The following BCL2L13 variants were observed in gnomAD, a reference collection of about 807,000 sequenced individuals.
BCL2L13 encodes the protein BCL2 like 13, also known as bcl-2-like protein 13.
In BCL2L13, 13 loss-of-function variants were observed where a neutral mutation model predicts 25.8. That is an observed-to-expected ratio of 0.50 (90% CI 0.33 to 0.80). BCL2L13 has a LOEUF of 0.80. BCL2L13 is among the 30% of genes least tolerant of loss of function. The probability of loss-of-function intolerance (pLI) is 0.02; values close to 1 mark genes in which losing one functional copy is unlikely to be tolerated. For missense variants in BCL2L13, 504 were observed against 574.9 expected, an observed-to-expected ratio of 0.88 and a Z score of 1.26; for synonymous variants, 244 against 230.3, an observed-to-expected ratio of 1.06 and a Z score of -0.54.
At chr22:17,725,135 C>T (rs898297580) in intron 6 of BCL2L13, among the ~76,000 whole-genome samples, 8 of 152,168 alleles carry the variant, frequency 5.3e-5, no homozygotes, top group Admixed American at 1.3e-4. Flanking sequence ...CAAGAGTCTC[C>T]GTGTCTGCAG....
At chr22:17,682,752 T>A (rs1449037869) in intron 2 of BCL2L13, among the ~76,000 whole-genome samples, 2 of 152,180 alleles carry the variant, frequency 1.3e-5, no homozygotes, top group Non-Finnish European at 2.9e-5. Context: ...TGTTTTTGAT[T>A]TTTGTTTTTT....
intron 1 of BCL2L13, among the ~76,000 whole-genome samples, chr22:17,653,636 C>T (rs2058757590): frequency 6.6e-6 from 1 of 151,170 alleles, no homozygotes; most frequent in African/African-American, 2.4e-5. Flanking sequence ...TCCCAAGTAA[C>T]TAGGACTACA....
At chr22:17,711,443 A>G (rs368109485) in intron 6 of BCL2L13, among the ~76,000 whole-genome samples, 2 of 151,682 alleles carry the variant, frequency 1.3e-5, no homozygotes, top group South Asian at 4.2e-4. Flanking sequence ...GACCACAGGC[A>G]TGCACCACCA....
At chr22:17,695,839 G>T in intron 4 of BCL2L13, 1 of 243,118 alleles carries the variant, frequency 4.1e-6, no homozygotes. Context: ...TAATAATTCA[G>T]GTATTTCTTT....
intron 6 of BCL2L13, among the ~76,000 whole-genome samples, chr22:17,707,194 C>T (rs989415333): frequency 1.1e-4 from 16 of 152,048 alleles, no homozygotes; most frequent in Admixed American, 3.9e-4. Flanking sequence ...AATCTGCCTG[C>T]TGTATATGTG....
At chr22:17,721,011 C>CA (rs1351234960) in intron 6 of BCL2L13, among the ~76,000 whole-genome samples, 3 of 151,516 alleles carry the variant, frequency 2.0e-5, no homozygotes, top group Non-Finnish European at 4.4e-5. Context: ...ACTAAAAATA[C>CA]AAAAAATTAG....
intron 6 of BCL2L13, among the ~76,000 whole-genome samples, chr22:17,704,241 A>G (rs2060524699): frequency 6.6e-6 from 1 of 152,058 alleles, no homozygotes; most frequent in African/African-American, 2.4e-5. Context: ...GTGTGCCACC[A>G]TGACCAGCTA....
chr22:17,656,312 A>G (rs567620508), intron 2 of BCL2L13, among the ~76,000 whole-genome samples: 16 of 148,314 alleles, frequency 1.1e-4, no homozygotes, highest in African/African-American at 4.0e-4. Context: ...GCAAAAAACA[A>G]AAGTATTTTT....
At chr22:17,717,913 A>C (rs2060992675) in intron 6 of BCL2L13, among the ~76,000 whole-genome samples, 1 of 152,056 alleles carries the variant, frequency 6.6e-6, no homozygotes, top group East Asian at 1.9e-4. Flanking sequence ...ATGGCAAAAC[A>C]CTGTCTCTAC....
chr22:17,681,210 AAGG>A (rs2059744440), intron 2 of BCL2L13, among the ~76,000 whole-genome samples: 1 of 152,066 alleles, frequency 6.6e-6, no homozygotes, highest in Non-Finnish European at 1.5e-5. Flanking sequence ...ACGGGGAAAG[AAGG>A]AGAATTAGAT....
At chr22:17,686,758 C>T (rs1431922962) in intron 3 of BCL2L13, among the ~76,000 whole-genome samples, 1 of 152,104 alleles carries the variant, frequency 6.6e-6, no homozygotes, top group Non-Finnish European at 1.5e-5. Context: ...ATCTACCCGC[C>T]TCGGCCTCCC....
intron 6 of BCL2L13, among the ~76,000 whole-genome samples, chr22:17,723,263 AT>A (rs995932955): frequency 8.5e-5 from 13 of 152,184 alleles, no homozygotes; most frequent in African/African-American, 3.1e-4. Context: ...GCAAGCTGTC[AT>A]CCTCAAAAGC....
intron 6 of BCL2L13, among the ~76,000 whole-genome samples, chr22:17,704,772 T>C (rs527842314): frequency 6.6e-6 from 1 of 152,324 alleles, no homozygotes; most frequent in South Asian, 2.1e-4. Context: ...CACTGAAATC[T>C]ACCAAAGTTA....
chr22:17,629,459 TC>T (rs2057957907), intron 1 of BCL2L13, among the ~76,000 whole-genome samples: 1 of 152,142 alleles, frequency 6.6e-6, no homozygotes, highest in African/African-American at 2.4e-5. Context: ...TATATATTTT[TC>T]AAAAGCCTTC....
chr22:17,701,498 C>T (rs2060433303), intron 5 of BCL2L13, among the ~76,000 whole-genome samples: 1 of 152,126 alleles, frequency 6.6e-6, no homozygotes, highest in South Asian at 2.1e-4. Flanking sequence ...TCTTCTATAA[C>T]TTGCCTTTTT....
At chr22:17,723,716 C>T (rs1016931969) in intron 6 of BCL2L13, among the ~76,000 whole-genome samples, 6 of 152,086 alleles carry the variant, frequency 3.9e-5, no homozygotes, top group African/African-American at 1.4e-4. Context: ...AGGTGGATCA[C>T]GAGGTCAAGA....
intron 2 of BCL2L13, among the ~76,000 whole-genome samples, chr22:17,673,878 A>G (rs35945753): frequency 0.52 from 79,686 of 151,914 alleles, 21,542 homozygotes; most frequent in East Asian, 0.84. Context: ...CCATGTATAC[A>G]TAGAGAATAC....
chr22:17,717,839 C>T (rs1026429071), intron 6 of BCL2L13, among the ~76,000 whole-genome samples: 10 of 152,168 alleles, frequency 6.6e-5, no homozygotes, highest in Non-Finnish European at 1.0e-4. Context: ...GTAATCCTAA[C>T]ACTTTGGTAG....
intron 5 of BCL2L13, among the ~76,000 whole-genome samples, chr22:17,701,221 A>G (rs977116715): frequency 5.3e-5 from 8 of 152,116 alleles, no homozygotes; most frequent in East Asian, 3.8e-4. Flanking sequence ...TTGACTTTTG[A>G]TGAGTTTTAC....
Sources: allele counts gnomAD v4.1 joint callset (sites outside exome capture counted in the v4.1 genomes callset), GRCh38; gene constraint gnomAD v4.1.1; transcripts MANE v1.5; gene names NCBI Gene and HGNC (gene_info 2026-07-23, HGNC 2026-07-21).